MTERF4: variants seen among roughly 807,000 people sequenced by gnomAD.
MTERF4 encodes transcription termination factor 4, mitochondrial.
Under a neutral mutation model 22.5 loss-of-function variants are expected in MTERF4, and 17 were observed. The observed-to-expected ratio is 0.75, with a 90% CI of 0.52 to 1.13. The LOEUF (loss-of-function observed/expected upper bound fraction) is 1.13, where lower values mean the gene tolerates loss of function less well. Ranked by LOEUF, MTERF4 falls within the 50% of genes most tolerant of loss-of-function variation. MTERF4 has a pLI of 0.00. For synonymous variants in MTERF4, 165 were observed against 175.3 expected (o/e 0.94, Z 0.47); for missense variants, 420 against 466.8 (o/e 0.90, Z 0.92).
At chr2:241,052,179 G>A in the MTERF4 span, 1 of 1,588,674 alleles carries the variant, frequency 6.3e-7, no homozygotes. Flanking sequence ...GGGAGGCCAG[G>A]CCAGGGCGGC....
downstream of MTERF4, among the ~76,000 whole-genome samples, chr2:241,069,719 C>T (rs1476176611): frequency 6.6e-6 from 1 of 152,088 alleles, no homozygotes; most frequent in African/African-American, 2.4e-5. The surrounding 1 kb of genome is among the most constrained non-coding windows in gnomAD (Gnocchi z 4.9). Flanking sequence ...GGGTGGCAAC[C>T]AGGGGCCTGC....
the MTERF4 span, chr2:241,048,799 C>G: frequency 6.6e-7 from 1 of 1,515,770 alleles, no homozygotes; most frequent in South Asian, 1.2e-5. Context: ...CTGCCCTGTC[C>G]CTGAGCATCC....
rs1559299382 is a variant in MTERF4, at chr2:241,073,652, T to TGG, written n.2509_2510insCC. On this transcript the variant is annotated non_coding_transcript_exon_variant, in exon 5 of 5. Coordinates refer to the MTERF4 transcript ENST00000464344. This position sits in a 1 kb window ranked among gnomAD's most constrained non-coding sequence, Gnocchi z 6.6. ...TGATGCTGCCTCCCCTCCCCTCTCC[T>TGG]CCTTCGCCTCCACATGCAGCAGAGC... 78 of 501,608 alleles carry TGG rather than the reference T, an allele frequency of 1.6e-4. No individual in the cohort carries two copies. The Middle Eastern group carries it at 5.2e-3, about 33-fold the overall frequency. 31.1% of individuals were successfully genotyped at this position (501,608 alleles called of 1,614,324 possible). A position where few individuals can be genotyped will look rare whatever the true frequency, so the allele number is the denominator to read the frequency against.
chr2:241,048,087 TG>T, the MTERF4 span, among the ~76,000 whole-genome samples: 1 of 152,152 alleles, frequency 6.6e-6, no homozygotes, highest in Admixed American at 6.5e-5. Flanking sequence ...CAATCCTGGG[TG>T]GTTTCTCTGG....
At chr2:241,056,250 A>G in the MTERF4 span, among the ~76,000 whole-genome samples, 1 of 152,192 alleles carries the variant, frequency 6.6e-6, no homozygotes, top group Admixed American at 6.5e-5. Flanking sequence ...TCTAGAACTG[A>G]AAATATATCC....
chr2:241,078,492 A>G (rs1021387956), intron 4 of MTERF4, among the ~76,000 whole-genome samples: 3 of 151,898 alleles, frequency 2.0e-5, no homozygotes, highest in Non-Finnish European at 4.4e-5. Flanking sequence ...TGCATGCTAC[A>G]ACATGGATGA....
Position 241,096,064 on chromosome 2 carries a change from G to C in MTERF4, c.1080C>G (p.Asp360Glu). The C allele has an allele frequency of 6.2e-7, 1 of 1,610,754 alleles. No homozygotes were observed. Among genetic ancestry groups the C allele is most frequent in the Non-Finnish European group, 8.5e-7 (1 of 1,179,018 alleles). ...CCGCCTCGTCGTCGTCCTCATCATCGTCATCCTCATCATTGTCATCCTCAT... is the reference window on the plus strand; with the variant it reads ...CCGCCTCGTCGTCGTCCTCATCATCCTCATCCTCATCATTGTCATCCTCAT... ...DNDEDDNDEDDDDEDDDEAED... is the reference protein window; with the variant it reads ...DNDEDDNDEDEDDEDDDEAED... The change falls in exon 4 of 4, where the codon GAC becomes GAG. Residue 360 changes from aspartate to glutamate, a missense_variant. By Grantham distance (45) the Asp-to-Glu change is conservative. Coordinates refer to ENST00000391980, the MANE Select transcript of MTERF4 (RefSeq NM_182501.4). The surrounding 1 kb of genome is among the most constrained non-coding windows in gnomAD (Gnocchi z 5.1).
the MTERF4 span, chr2:241,065,220 T>A: frequency 6.8e-7 from 1 of 1,477,990 alleles, no homozygotes; most frequent in African/African-American, 1.4e-5. Flanking sequence ...CAGACCCGGC[T>A]GAGCCGCCGA....
the MTERF4 span, chr2:241,065,522 C>G: frequency 1.9e-6 from 3 of 1,612,874 alleles, no homozygotes; most frequent in African/African-American, 4.0e-5. Flanking sequence ...ACAACATCTC[C>G]GTCTTCTCAG....
At chr2:241,043,782 A>G in the MTERF4 span, among the ~76,000 whole-genome samples, 2 of 152,196 alleles carry the variant, frequency 1.3e-5, no homozygotes, top group Admixed American at 6.5e-5. Flanking sequence ...TCACAACTCA[A>G]CTCTACCATT....
downstream of MTERF4, among the ~76,000 whole-genome samples, chr2:241,091,402 T>C (rs540892791): frequency 8.7e-6 from 1 of 114,848 alleles, no homozygotes; most frequent in East Asian, 3.2e-4. The surrounding 1 kb of genome is among the most constrained non-coding windows in gnomAD (Gnocchi z 4.1). Context: ...ATGTAGTCGG[T>C]GGAGGCTGCC....
chr2:241,063,663 G>A, the MTERF4 span: 3 of 1,612,178 alleles, frequency 1.9e-6, no homozygotes, highest in East Asian at 2.2e-5. Context: ...ATGTCTGCCG[G>A]TGCCCTGCAG....
At chr2:241,088,265 T>C, downstream of MTERF4, 1 of 840,408 alleles carries the variant, frequency 1.2e-6, no homozygotes, top group South Asian at 1.4e-5. Context: ...GTATGTGAGC[T>C]AAAGACAGGA....
chr2:241,070,564 G>A (rs1412636394), downstream of MTERF4, among the ~76,000 whole-genome samples: 1 of 152,168 alleles, frequency 6.6e-6, no homozygotes, highest in South Asian at 2.1e-4. Context: ...CCTGACCCAC[G>A]AAGAGCCACT....
chr2:241,071,630 T>C, downstream of MTERF4: 1 of 1,586,024 alleles, frequency 6.3e-7, no homozygotes, highest in Non-Finnish European at 8.5e-7. Flanking sequence ...CACCCTCGGG[T>C]GCTCAAGAAC....
chr2:241,082,244 C>T (rs1196362958), downstream of MTERF4: 1 of 1,555,854 alleles, frequency 6.4e-7, no homozygotes, highest in South Asian at 1.1e-5. Context: ...CCGTCAGGAG[C>T]ACCTGGTGAG....
rs1230403508 is a variant in MTERF4, at chr2:241,099,725, A to C, written c.191T>G (p.Val64Gly). ...ELSCVRSNNYVQEPECRRNLV... is the reference protein window; with the variant it reads ...ELSCVRSNNYGQEPECRRNLV... Reference sequence around the variant, plus strand: ...ATTCCTCCTGCACTCTGGTTCCTGCACATAGTTATTGGATCTAACACAAGA... The same window carrying C: ...ATTCCTCCTGCACTCTGGTTCCTGCCCATAGTTATTGGATCTAACACAAGA... The change falls in exon 2 of 4, where the codon GTG (valine) becomes GGG (glycine). Residue 64 changes from valine (V) to glycine (G), a missense_variant. By Grantham distance (109) the Val-to-Gly change is moderately radical. Coordinates refer to ENST00000391980, the MANE Select transcript of MTERF4 (RefSeq NM_182501.4). 1 of 1,614,196 alleles carries C rather than the reference A, an allele frequency of 6.2e-7. No homozygotes were observed. The highest frequency in any genetic ancestry group is 8.5e-7 in the Non-Finnish European group (1 of 1,180,026).
chr2:241,091,759 C>T (rs1378633527), downstream of MTERF4: 1 of 152,334 alleles, frequency 6.6e-6, no homozygotes, highest in Non-Finnish European at 1.5e-5. The surrounding 1 kb of genome is among the most constrained non-coding windows in gnomAD (Gnocchi z 4.1). Flanking sequence ...GAGTCAGTCC[C>T]CTCTGTGACC....
At chr2:241,067,429 G>A (rs139809690), downstream of MTERF4, among the ~76,000 whole-genome samples, 67 of 152,334 alleles carry the variant, frequency 4.4e-4, no homozygotes, top group Middle Eastern at 6.8e-3. Context: ...GGGGAGGTCC[G>A]GGTTACTCAT....
Sources: allele counts gnomAD v4.1 joint callset (sites outside exome capture counted in the v4.1 genomes callset), GRCh38; gene constraint gnomAD v4.1.1; non-coding constraint Gnocchi (gnomAD v3.1); transcripts MANE v1.5; gene names NCBI Gene and HGNC (gene_info 2026-07-23, HGNC 2026-07-21).